The following DPP10 variants were observed in gnomAD, a reference collection of about 807,000 sequenced individuals.
The protein encoded by DPP10 is dipeptidyl peptidase like 10, also known as inactive dipeptidyl peptidase 10.
A neutral mutation model predicts 120.9 loss-of-function variants in DPP10; 33 were observed. The ratio of observed to expected loss-of-function variants is 0.27; its 90% CI spans 0.21 to 0.37. The LOEUF is 0.37. DPP10 is among the 10% of genes least tolerant of loss of function. The pLI, the probability that DPP10 is intolerant of heterozygous loss-of-function variation, is 1.00. For missense variants in DPP10, 816 were observed against 942.8 expected (o/e 0.87, Z 1.76); for synonymous variants, 337 against 326.1 (o/e 1.03, Z -0.36).
chr2:115,814,883 A>G lies in DPP10; in HGVS notation c.1791A>G (p.Ala597=). 1 of 1,611,518 alleles carries G rather than the reference A, an allele frequency of 6.2e-7. No individual in the cohort carries two copies. The highest frequency in any genetic ancestry group is 2.2e-5 in the East Asian group (1 of 44,814). The change falls in exon 20 of 26, where the codon GCA becomes GCG. Residue 597 remains alanine, a synonymous_variant. Coordinates refer to ENST00000410059, the MANE Select transcript of DPP10 (RefSeq NM_020868.6). ...TTGACATGGATAATGTCATTGTAGC[A>G]AGATTTGATGGCAGAGGAAGTGGAT... ...VLIDMDNVIV[A]RFDGRGSGFQ... is the part of the protein sequence containing the mutation.
chr2:115,684,452 C>T (rs561905541), intron 5 of DPP10, among the ~76,000 whole-genome samples: 17 of 151,868 alleles, frequency 1.1e-4, no homozygotes, highest in Non-Finnish European at 2.4e-4. Flanking sequence ...TCCCATTTTG[C>T]CTGTATTGTC....
intron 3 of DPP10, among the ~76,000 whole-genome samples, chr2:115,376,172 A>G (rs555223628): frequency 1.3e-5 from 2 of 152,320 alleles, no homozygotes; most frequent in Middle Eastern, 3.4e-3. Context: ...TTTGAAGACT[A>G]GAGACTTTTT....
chr2:115,141,369 C>T (rs2050918159), intron 1 of DPP10, among the ~76,000 whole-genome samples: 1 of 152,192 alleles, frequency 6.6e-6, no homozygotes, highest in Admixed American at 6.5e-5. Context: ...TGCCGCTTCA[C>T]ACATATTATC....
Position 115,309,290 on chromosome 2 carries a change from G to T in DPP10, c.112G>T (p.Ala38Ser), listed in dbSNP as rs1214970699. ...GAGAAACTGGAAGGGAATTGCTATT[G>T]CTCTGCTGGTGATTTTAGTTGTATG... ...PQRNWKGIAIALLVILVVCSL... is the reference protein window; with the variant it reads ...PQRNWKGIAISLLVILVVCSL... Residue 38 changes from alanine to serine, a missense_variant, in exon 2 of 26, where the codon GCT becomes TCT. Transcript: ENST00000410059. 2.5e-6 allele frequency: 4 copies of T among 1,613,234 alleles called. No individual in the cohort carries two copies. In the African/African-American group the frequency reaches 5.3e-5, roughly 22 times the overall value.
At chr2:115,449,071 A>G (rs928619401) in intron 3 of DPP10, among the ~76,000 whole-genome samples, 6 of 152,184 alleles carry the variant, frequency 3.9e-5, no homozygotes, top group African/African-American at 1.4e-4. Context: ...TAAAAGAAAA[A>G]GAAATGCTGA....
At chr2:115,307,261 A>G (rs1213171556) in intron 1 of DPP10, among the ~76,000 whole-genome samples, 4 of 152,096 alleles carry the variant, frequency 2.6e-5, no homozygotes, top group African/African-American at 9.7e-5. Context: ...TAGACATTAC[A>G]TGGTTTTATC....
chr2:115,252,083 C>T (rs562597654), intron 1 of DPP10, among the ~76,000 whole-genome samples: 53 of 152,288 alleles, frequency 3.5e-4, no homozygotes, highest in Non-Finnish European at 6.6e-4. Flanking sequence ...CCTCCTCAAT[C>T]GGAACATATC....
intron 1 of DPP10, among the ~76,000 whole-genome samples, chr2:115,012,983 TAGCCTGTTTACATTTA>T (rs1702371911): frequency 6.6e-6 from 1 of 152,226 alleles, no homozygotes; most frequent in Non-Finnish European, 1.5e-5. Flanking sequence ...TTGGGTCATT[TAGCCTGTTTACATTTA>T]AGGTTAATAC....
chr2:115,832,882 A>G (rs1475533706), intron 21 of DPP10, among the ~76,000 whole-genome samples: 1 of 152,056 alleles, frequency 6.6e-6, no homozygotes, highest in Non-Finnish European at 1.5e-5. Flanking sequence ...CACCTTTATT[A>G]TACAATTATG....
intron 1 of DPP10, among the ~76,000 whole-genome samples, chr2:115,020,727 A>G (rs993217291): frequency 1.3e-5 from 2 of 152,114 alleles, no homozygotes; most frequent in African/African-American, 4.8e-5. Context: ...TCACCAGCAC[A>G]TGGAACATTC....
intron 3 of DPP10, among the ~76,000 whole-genome samples, chr2:115,352,489 A>T (rs1011163678): frequency 2.6e-5 from 4 of 152,196 alleles, no homozygotes; most frequent in African/African-American, 9.6e-5. Context: ...GTTTGTCAAT[A>T]CAAATATAGA....
In DPP10 at chr2:115,608,643, A is replaced by G. The variant is rs1245113203; in HGVS notation, c.442-81044A>G. Among the ~76,000 whole-genome samples, 3 of 152,308 alleles carry G rather than the reference A, an allele frequency of 2.0e-5. No individual in the cohort carries two copies. In the East Asian group the frequency reaches 5.8e-4, roughly 29 times the overall value. On this transcript the variant is annotated intron_variant, in intron 5 of 25. Coordinates refer to ENST00000410059, the MANE Select transcript of DPP10 (RefSeq NM_020868.6). The stretch of plus-strand genomic sequence containing the variant: ...AACTATGTGATAAGAAGTTCCAACA[A>G]GCCTTTAGCATCTCTTTCTTAAATA...
chr2:115,189,068 G>A (rs1363272219), intron 1 of DPP10, among the ~76,000 whole-genome samples: 1 of 152,032 alleles, frequency 6.6e-6, no homozygotes, highest in Non-Finnish European at 1.5e-5. Flanking sequence ...TGATGGAATT[G>A]TTATAAATAG....
At chr2:114,874,215 G>A (rs1342562937) in intron 1 of DPP10, among the ~76,000 whole-genome samples, 1 of 152,150 alleles carries the variant, frequency 6.6e-6, no homozygotes, top group African/African-American at 2.4e-5. Flanking sequence ...CCCAGACTGG[G>A]AAGGAATGGA....
At chr2:115,835,914 G>A (rs13418982) in intron 21 of DPP10, among the ~76,000 whole-genome samples, 2,828 of 151,886 alleles carry the variant, frequency 0.019, 101 homozygotes, top group African/African-American at 0.064. Flanking sequence ...TTTTACTTAA[G>A]GCTTATTAAA....
chr2:114,528,160 A>G (rs564947879), intron 1 of DPP10, among the ~76,000 whole-genome samples: 55 of 152,254 alleles, frequency 3.6e-4, no homozygotes, highest in African/African-American at 1.3e-3. Flanking sequence ...CACCTCCCAT[A>G]CACACTGCAA....
At chr2:115,414,915 C>G (rs2069253023) in intron 3 of DPP10, among the ~76,000 whole-genome samples, 1 of 152,116 alleles carries the variant, frequency 6.6e-6, no homozygotes, top group Non-Finnish European at 1.5e-5. Flanking sequence ...ACTGTTGACC[C>G]CAATATCTCA....
chr2:114,545,320 C>G (rs1687305729), intron 1 of DPP10, among the ~76,000 whole-genome samples: 1 of 151,884 alleles, frequency 6.6e-6, no homozygotes, highest in Non-Finnish European at 1.5e-5. Context: ...TTTACAGTGG[C>G]CACTAGAAAA....
chr2:115,388,942 A>G (rs1464191701), intron 3 of DPP10, among the ~76,000 whole-genome samples: 1 of 152,102 alleles, frequency 6.6e-6, no homozygotes, highest in African/African-American at 2.4e-5. Flanking sequence ...TTTGAAGGTT[A>G]AGCTTGGTTC....
Sources: gnomAD v4.1 joint callset for allele counts (sites outside exome capture counted in the v4.1 genomes callset) on GRCh38, gnomAD v4.1.1 for gene constraint, MANE v1.5 for transcripts, NCBI Gene and HGNC (gene_info 2026-07-23, HGNC 2026-07-21) for gene names.